GCC1: variants seen among roughly 807,000 people sequenced by gnomAD.
GCC1 encodes the protein GRIP and coiled-coil domain containing 1.
GCC1 carries 36 observed loss-of-function variants against 62.5 expected under a neutral mutation model. That is an observed-to-expected ratio of 0.58 (90% confidence interval 0.44 to 0.76). The LOEUF (loss-of-function observed/expected upper bound fraction) is 0.76. Ranked by LOEUF, GCC1 falls within the 30% of genes least tolerant of loss-of-function variation. The pLI, the probability that GCC1 is intolerant of heterozygous loss-of-function variation, is 0.00. For missense variants in GCC1, 885 were observed against 948.3 expected (o/e 0.93, Z 0.88); for synonymous variants, 391 against 386.8 (o/e 1.01, Z -0.13).
chr7:127,582,537 T>C lies in GCC1; in HGVS notation c.1805A>G (p.Glu602Gly). 1.2e-6 allele frequency: 2 copies of C among 1,611,678 alleles called. No homozygotes were observed. The highest frequency in any genetic ancestry group is 1.7e-6 in the Non-Finnish European group (2 of 1,179,970). The change falls in exon 2 of 2, where the codon GAA becomes GGA. Residue 602 changes from glutamate (E) to glycine (G), a missense_variant. Coordinates refer to ENST00000321407, the MANE Select transcript of GCC1 (RefSeq NM_024523.6). This position sits in a 1 kb window ranked among gnomAD's most constrained non-coding sequence, Gnocchi z 4.8. ...ALAVLTEKDL[E>G]LEQLRSVALA... is the part of the protein sequence containing the mutation. ...GGCCACAGAACGCAGTTGCTCCAGT[T>C]CCAAGTCCTTCTCGGTGAGCACAGC...
At position 127,582,654 on chromosome 7, in the gene GCC1, TGGAGCTGCTGCAGCC is replaced by T. The variant is rs1208144949; in HGVS notation, c.1673_1687del (p.Arg558_Leu562del). The T allele has an allele frequency of 6.2e-7, 1 of 1,613,432 alleles. No individual in the cohort carries two copies. The highest frequency in any genetic ancestry group is 1.3e-5 in the African/African-American group (1 of 74,904). The stretch of plus-strand genomic sequence containing the variant: ...CTGGCACCGCTCCAGCTCCTGCCGG[TGGAGCTGCTGCAGCC>T]GGGCCAGCTCCTGCTTCCAGTCATC... On this transcript the variant is annotated inframe_deletion, in exon 2 of 2. Transcript: ENST00000321407. This position sits in a 1 kb window ranked among gnomAD's most constrained non-coding sequence, Gnocchi z 4.8.
At position 127,582,593 on chromosome 7, in the gene GCC1, C is replaced by T; in HGVS notation, c.1749G>A (p.Glu583=). ...DFRDRTLKLE[E]ELHKQRDRAL... is the part of the protein sequence containing the mutation. ...CACGATCCCGCTGCTTGTGCAGCTC[C>T]TCCTCCAGTTTCAGTGTGCGGTCCC... Residue 583 remains glutamate, a synonymous_variant, in exon 2 of 2, where the codon GAG becomes GAA. Coordinates refer to ENST00000321407, the MANE Select transcript of GCC1 (RefSeq NM_024523.6). The surrounding 1 kb of genome is among the most constrained non-coding windows in gnomAD (Gnocchi z 4.8). 6.2e-7 allele frequency: 1 copy of T among 1,612,472 alleles called. No individual in the cohort carries two copies. The highest frequency in any genetic ancestry group is 1.3e-5 in the African/African-American group (1 of 75,060).
chr7:127,585,233 G>A lies in GCC1; in HGVS notation c.-51C>T, dbSNP rs1794188236. 9 of 1,501,198 alleles carry A rather than the reference G, an allele frequency of 6.0e-6. No individual in the cohort carries two copies. Among genetic ancestry groups the A allele is most frequent in the African/African-American group, 1.4e-5 (1 of 71,486 alleles). 93.0% of individuals were successfully genotyped at this position (1,501,198 alleles called of 1,614,324 possible). A position where few individuals can be genotyped will look rare whatever the true frequency, so the allele number is the denominator to read the frequency against. On this transcript the variant is annotated 5_prime_UTR_variant, in exon 1 of 2. Transcript: ENST00000321407. The stretch of plus-strand genomic sequence containing the variant: ...GTCAGCTTTCCAGCAGAACGGGAGA[G>A]GGCCGTGAAGACGCAGGCGGGGGCT...
Position 127,582,261 on chromosome 7 carries a change from C to T in GCC1, c.2081G>A (p.Arg694Gln), listed in dbSNP as rs1208463581. Residue 694 changes from arginine to glutamine, a missense_variant, in exon 2 of 2, where the codon CGG (arginine) becomes CAG (glutamine). Transcript: ENST00000321407. The surrounding 1 kb of genome is among the most constrained non-coding windows in gnomAD (Gnocchi z 4.8). ...LQDRLLEEGE[R>Q]HREEVAALQS... ...CAGGGCTGCAACCTCCTCACGATGC[C>T]GTTCGCCCTCCTCCAGCAGCCGATC... The T allele has an allele frequency of 6.2e-7, 1 of 1,614,178 alleles. No individual in the cohort carries two copies. Among genetic ancestry groups the T allele is most frequent in the Non-Finnish European group, 8.5e-7 (1 of 1,180,022 alleles).
At position 127,584,152 on chromosome 7, in the gene GCC1, T is replaced by G; in HGVS notation, c.1031A>C (p.Lys344Thr). Reference sequence around the variant, plus strand: ...TTTGAAAGAGATATGGATAATTACCTTTCTCATTTCCTGCTGTAACTGAGC... The same window carrying G: ...TTTGAAAGAGATATGGATAATTACCGTTCTCATTTCCTGCTGTAACTGAGC... ...FQAQLQQEMR[K>T]TALAEDQLRQ... Residue 344 changes from lysine (K) to threonine (T), a missense_variant and splice_region_variant, in exon 1 of 2, where the codon AAG becomes ACG. Transcript: ENST00000321407. 6.2e-7 allele frequency: 1 copy of G among 1,612,774 alleles called. No individual in the cohort carries two copies. The highest frequency in any genetic ancestry group is 8.5e-7 in the Non-Finnish European group (1 of 1,179,142).
chr7:127,581,701 A>C lies in GCC1; in HGVS notation c.*313T>G, dbSNP rs75344674. ...GCTTTGTGCCAGGAGCATATTATTA[A>C]AACAAAACATCTTATTTTAAAACAG... On this transcript the variant is annotated 3_prime_UTR_variant, in exon 2 of 2. Transcript: ENST00000321407. The C allele has an allele frequency of 3.7e-6, 1 of 272,146 alleles. No individual in the cohort carries two copies. The highest frequency in any genetic ancestry group is 2.2e-5 in the African/African-American group (1 of 45,234). The allele number at this position is 272,146 out of a possible 1,614,324, so 16.9% of individuals were successfully genotyped here.
intron 1 of GCC1, 94 bp from the exon 2 acceptor site, chr7:127,583,403 TG>T: frequency 1.1e-6 from 1 of 949,612 alleles, no homozygotes; most frequent in East Asian, 2.4e-5. Flanking sequence ...GTCACAGGTT[TG>T]GGATGGCCTG....
In GCC1 at chr7:127,582,406, C is replaced by A. The variant is rs1342229721; in HGVS notation, c.1936G>T (p.Ala646Ser). The A allele has an allele frequency of 6.2e-7, 1 of 1,614,082 alleles. No individual in the cohort carries two copies. The highest frequency in any genetic ancestry group is 1.7e-5 in the Admixed American group (1 of 60,008). The change falls in exon 2 of 2, where the codon GCA (alanine) becomes TCA (serine). Residue 646 changes from alanine to serine, a missense_variant. Transcript: ENST00000321407. This position sits in a 1 kb window ranked among gnomAD's most constrained non-coding sequence, Gnocchi z 4.8. ...AAGAAAGTGGGCTCATTGGCCGCTG[C>A]AAGTTGTAATGCTTGGGTCAGGCTA... ...SDSLTQALQL[A>S]AANEPTFFLY...
In GCC1 at chr7:127,584,819, C is replaced by A. The variant is rs757504084; in HGVS notation, c.364G>T (p.Ala122Ser). The change falls in exon 1 of 2, where the codon GCC (alanine) becomes TCC (serine). Residue 122 changes from alanine to serine, a missense_variant. Physicochemically the swap from Ala to Ser is moderately conservative, Grantham distance 99 (BLOSUM62 1). Transcript: ENST00000321407. ...GACTTTGGAGGTGGTGGTCCACGGG[C>A]CGGTCTGTCATCTTCTACCCCAAAC... ...GEFGVEDDRP[A>S]RGPPPPKSEE... 1.2e-6 allele frequency: 2 copies of A among 1,614,090 alleles called. No homozygotes were observed. Among genetic ancestry groups the A allele is most frequent in the African/African-American group, 2.7e-5 (2 of 74,934 alleles).
At position 127,582,456 on chromosome 7, in the gene GCC1, TC is replaced by T; in HGVS notation, c.1885del (p.Asp629ThrfsTer11). 1 of 1,614,066 alleles carries T rather than the reference TC, an allele frequency of 6.2e-7. No homozygotes were observed. The highest frequency in any genetic ancestry group is 8.5e-7 in the Non-Finnish European group (1 of 1,180,028). On this transcript the variant is annotated frameshift_variant, in exon 2 of 2. Coordinates refer to ENST00000321407, the MANE Select transcript of GCC1 (RefSeq NM_024523.6). LOFTEE classifies it high-confidence loss of function. This position sits in a 1 kb window ranked among gnomAD's most constrained non-coding sequence, Gnocchi z 4.8. ...RSPVGGGGPG[D>X]PADTSSSDSL... ...ATCAGAGGATGATGTGTCAGCTGGG[TC>T]CCCAGGACCGCCACCACCCACAGGA...
rs1193873970 is a variant in GCC1 at position 127,581,905 on chromosome 7, C to A, written c.*109G>T. On this transcript the variant is annotated 3_prime_UTR_variant, in exon 2 of 2. Transcript: ENST00000321407. ...ACATTGAAGACTCCTCCCAGCTCAA[C>A]ACAGTGAAGAAATAAATGACAATGT... 21 of 870,616 alleles carry A rather than the reference C, an allele frequency of 2.4e-5. No homozygotes were observed. The highest frequency in any genetic ancestry group is 3.0e-5 in the Non-Finnish European group (17 of 559,818). 53.9% of individuals were successfully genotyped at this position (870,616 alleles called of 1,614,324 possible).
Position 127,581,195 on chromosome 7 carries a change from C to A in GCC1, c.*819G>T, listed in dbSNP as rs908150073. ...CATTTGGACCCCTCTCTGTAAGAAG[C>A]TAGGACTTTATTTCTTAATGAAAGT... On this transcript the variant is annotated 3_prime_UTR_variant, in exon 2 of 2. Coordinates refer to ENST00000321407, the MANE Select transcript of GCC1 (RefSeq NM_024523.6). 6.6e-6 allele frequency: 1 copy of A among 152,178 alleles called. No homozygotes were observed. The highest frequency in any genetic ancestry group is 2.4e-5 in the African/African-American group (1 of 41,444). The allele number at this position is 152,178 out of a possible 1,614,324, so 9.4% of individuals were successfully genotyped here.
At position 127,582,408 on chromosome 7, in the gene GCC1, AGTT is replaced by A; in HGVS notation, c.1931_1933del (p.Gln644del). On this transcript the variant is annotated inframe_deletion, in exon 2 of 2. Coordinates refer to ENST00000321407, the MANE Select transcript of GCC1 (RefSeq NM_024523.6). This position sits in a 1 kb window ranked among gnomAD's most constrained non-coding sequence, Gnocchi z 4.8. ...GAAAGTGGGCTCATTGGCCGCTGCA[AGTT>A]GTAATGCTTGGGTCAGGCTATCAGA... is the stretch of plus-strand genomic sequence containing the variant. 6.2e-7 allele frequency: 1 copy of A among 1,614,192 alleles called. No homozygotes were observed. The highest frequency in any genetic ancestry group is 1.7e-5 in the Admixed American group (1 of 60,030).
chr7:127,584,363 C>A lies in GCC1; in HGVS notation c.820G>T (p.Ala274Ser). The A allele has an allele frequency of 6.2e-7, 1 of 1,613,888 alleles. No homozygotes were observed. Among genetic ancestry groups the A allele is most frequent in the Non-Finnish European group, 8.5e-7 (1 of 1,180,000 alleles). ...LELRLEETREALAGRAYAAEQ... is the reference protein window; with the variant it reads ...LELRLEETRESLAGRAYAAEQ... ...GCTGCATATGCTCGTCCTGCCAAGG[C>A]TTCTCGGGTCTCTTCTAACCTAAGC... The change falls in exon 1 of 2, where the codon GCC becomes TCC. Residue 274 changes from alanine to serine, a missense_variant. Physicochemically the swap from Ala to Ser is moderately conservative, Grantham distance 99 (BLOSUM62 1). Coordinates refer to ENST00000321407, the MANE Select transcript of GCC1 (RefSeq NM_024523.6).
chr7:127,584,130 G>C, intron 1 of GCC1, 21 bp downstream of exon 1: 1 of 1,601,712 alleles, frequency 6.2e-7, no homozygotes, highest in Non-Finnish European at 8.5e-7. Context: ...GCTGATGTTT[G>C]AAAGAGATAT....
Position 127,584,163 on chromosome 7 carries a change from C to G in GCC1, c.1020G>C (p.Gln340His), listed in dbSNP as rs1450063116. The G allele has an allele frequency of 1.2e-6, 2 of 1,613,424 alleles. No homozygotes were observed. The highest frequency in any genetic ancestry group is 1.7e-6 in the Non-Finnish European group (2 of 1,179,674). Residue 340 changes from glutamine (Q) to histidine (H), a missense_variant, in exon 1 of 2, where the codon CAG (glutamine) becomes CAC (histidine). By Grantham distance (24) the Gln-to-His change is conservative (BLOSUM62 0). Transcript: ENST00000321407. ...LKSHFQAQLQ[Q>H]EMRKTALAED... ...TATGGATAATTACCTTTCTCATTTC[C>G]TGCTGTAACTGAGCCTGGAAATGGC...
chr7:127,584,932 T>C lies in GCC1; in HGVS notation c.251A>G (p.Asp84Gly), dbSNP rs761649012. The part of the protein sequence containing the change: ...LPGLTFPDSV[D>G]DRCSTHSEDS... ...CTCGCTGTGAGTGGAGCACCGGTCATCCACAGAGTCAGGAAAGGTGAGGCC... is the reference window on the plus strand; with the variant it reads ...CTCGCTGTGAGTGGAGCACCGGTCACCCACAGAGTCAGGAAAGGTGAGGCC... Residue 84 changes from aspartate to glycine, a missense_variant, in exon 1 of 2, where the codon GAT (aspartate) becomes GGT (glycine). Asp to Gly is a moderately conservative substitution (Grantham distance 94). Transcript: ENST00000321407. 5.0e-6 allele frequency: 8 copies of C among 1,614,090 alleles called. No homozygotes were observed. In the East Asian group the frequency reaches 1.8e-4, roughly 36 times the overall value.
Position 127,585,531 on chromosome 7 carries a change from CG to C in GCC1, c.-350del, listed in dbSNP as rs1377494985. The C allele has an allele frequency of 3.8e-6, 1 of 263,630 alleles. No homozygotes were observed. Among genetic ancestry groups the C allele is most frequent in the Admixed American group, 5.0e-5 (1 of 20,176 alleles). 16.3% of individuals were successfully genotyped at this position (263,630 alleles called of 1,614,324 possible). ...CCGGGCCGGCCCCCTCGGCCCACGT[CG>C]GCCAGAGGGTTACGCTGAGCTCGGT... On this transcript the variant is annotated 5_prime_UTR_variant, in exon 1 of 2. Coordinates refer to ENST00000321407, the MANE Select transcript of GCC1 (RefSeq NM_024523.6).
In GCC1 at chr7:127,585,360, G is replaced by A; in HGVS notation, c.-178C>T. On this transcript the variant is annotated 5_prime_UTR_variant, in exon 1 of 2. Coordinates refer to ENST00000321407, the MANE Select transcript of GCC1 (RefSeq NM_024523.6). ...ACGGCCGGACGGACTGGCGAAAGCG[G>A]CCGCCCGGTCCCAGGCCCGGAGGGC... is the stretch of plus-strand genomic sequence containing the variant. The A allele has an allele frequency of 1.6e-6, 1 of 642,996 alleles. No homozygotes were observed. The highest frequency in any genetic ancestry group is 2.6e-6 in the Non-Finnish European group (1 of 385,056). The allele number at this position is 642,996 out of a possible 1,614,324, so 39.8% of individuals were successfully genotyped here.
Sources: allele counts gnomAD v4.1 joint callset, GRCh38; gene constraint gnomAD v4.1.1; non-coding constraint Gnocchi (gnomAD v3.1); transcripts MANE v1.5; gene names NCBI Gene and HGNC (gene_info 2026-07-23, HGNC 2026-07-21).